The following PDLIM5 variants were observed in gnomAD, a reference collection of about 807,000 sequenced individuals.
PDLIM5 encodes the protein PDZ and LIM domain protein 5.
PDLIM5 carries 34 observed loss-of-function variants against 64.2 expected under a neutral mutation model. The ratio of observed to expected loss-of-function variants is 0.53; its 90% CI spans 0.40 to 0.71. The LOEUF is 0.71. Among genes scored for constraint, PDLIM5 ranks in the 30% least tolerant of loss-of-function variants. PDLIM5 has a pLI of 0.00. For missense variants in PDLIM5, 683 were observed against 733.6 expected, an observed-to-expected ratio of 0.93 and a Z score of 0.80; for synonymous variants, 253 against 269.1, an observed-to-expected ratio of 0.94 and a Z score of 0.59.
At chr4:94,605,741 C>A (rs1283710447) in intron 7 of PDLIM5, among the ~76,000 whole-genome samples, 2 of 152,096 alleles carry the variant, frequency 1.3e-5, no homozygotes, top group Admixed American at 6.5e-5. Context: ...ACTTGGAGAT[C>A]ATCTTCAAAG....
chr4:94,460,098 ATTAAT>A (rs1157966927), intron 2 of PDLIM5, among the ~76,000 whole-genome samples: 2 of 152,214 alleles, frequency 1.3e-5, no homozygotes, highest in African/African-American at 4.8e-5. Flanking sequence ...AAGTTAGAAA[ATTAAT>A]TTAGTTTGTA....
intron 7 of PDLIM5, among the ~76,000 whole-genome samples, chr4:94,598,616 A>G (rs1737248104): frequency 1.3e-5 from 2 of 152,292 alleles, no homozygotes; most frequent in African/African-American, 2.4e-5. Context: ...ACGTCCAACA[A>G]ATGTTTATGA....
chr4:94,615,253 A>C (rs1252320184), intron 7 of PDLIM5, among the ~76,000 whole-genome samples: 1 of 152,208 alleles, frequency 6.6e-6, no homozygotes, highest in African/African-American at 2.4e-5. Flanking sequence ...GACAAGATGC[A>C]TAAAGAAGTG....
At chr4:94,659,637 C>T (rs368992905) in intron 11 of PDLIM5, among the ~76,000 whole-genome samples, 31 of 150,922 alleles carry the variant, frequency 2.1e-4, no homozygotes, top group African/African-American at 6.1e-4. Context: ...ATGCCATTCT[C>T]CTGCCTCAGC....
intron 2 of PDLIM5, among the ~76,000 whole-genome samples, chr4:94,514,668 GGC>G (rs1241071288): frequency 6.6e-6 from 1 of 152,148 alleles, no homozygotes; most frequent in Admixed American, 6.5e-5. Flanking sequence ...TTGGGTCCAA[GGC>G]TTTTCTTTAC....
Position 94,523,736 on chromosome 4 carries a change from G to A in PDLIM5, c.109G>A (p.Gly37Ser), listed in dbSNP as rs750784983. The change falls in exon 3 of 13, where the codon GGC becomes AGC. Residue 37 changes from glycine to serine, a missense_variant. Coordinates refer to ENST00000317968, the MANE Select transcript of PDLIM5 (RefSeq NM_006457.5). ...PLTISSLKDG[G>S]KAAQANVRIG... Reference sequence around the variant, plus strand: ...ATATTTATTACAGCTAAAAGATGGCGGCAAGGCAGCCCAGGCAAATGTAAG... The same window carrying A: ...ATATTTATTACAGCTAAAAGATGGCAGCAAGGCAGCCCAGGCAAATGTAAG... 1.7e-5 allele frequency: 27 copies of A among 1,611,868 alleles called. No homozygotes were observed. Among genetic ancestry groups the A allele is most frequent in the African/African-American group, 6.7e-5 (5 of 74,818 alleles).
At chr4:94,507,884 A>C (rs1251703378) in intron 2 of PDLIM5, among the ~76,000 whole-genome samples, 3 of 152,176 alleles carry the variant, frequency 2.0e-5, no homozygotes, top group Non-Finnish European at 4.4e-5. Context: ...TGCCAGGCAA[A>C]CCAAAATCTT....
At chr4:94,580,615 T>A (rs952172689) in intron 5 of PDLIM5, among the ~76,000 whole-genome samples, 6 of 152,304 alleles carry the variant, frequency 3.9e-5, no homozygotes, top group East Asian at 1.9e-4. Context: ...TTTTTTTTAA[T>A]TCAAGATTAA....
At chr4:94,532,958 G>T (rs988820166) in intron 3 of PDLIM5, among the ~76,000 whole-genome samples, 1 of 152,070 alleles carries the variant, frequency 6.6e-6, no homozygotes, top group Non-Finnish European at 1.5e-5. Flanking sequence ...AGCTGAGATC[G>T]CACCACTGCA....
At chr4:94,546,535 A>G (rs979911101) in intron 3 of PDLIM5, among the ~76,000 whole-genome samples, 1 of 152,196 alleles carries the variant, frequency 6.6e-6, no homozygotes, top group Non-Finnish European at 1.5e-5. Context: ...AGTTCCAAAC[A>G]GATTCTTTTT....
chr4:94,615,395 A>G (rs1738695634), intron 7 of PDLIM5, among the ~76,000 whole-genome samples: 1 of 152,186 alleles, frequency 6.6e-6, no homozygotes. Context: ...AAAATAATGT[A>G]TGTTAATTTG....
At chr4:94,453,856 G>GT (rs1723083840) in intron 1 of PDLIM5, among the ~76,000 whole-genome samples, 3 of 152,142 alleles carry the variant, frequency 2.0e-5, no homozygotes, top group Admixed American at 2.0e-4. Context: ...CATTACTGAA[G>GT]TAATGTGTTA....
intron 8 of PDLIM5, among the ~76,000 whole-genome samples, chr4:94,618,653 G>A (rs1036299623): frequency 8.5e-5 from 13 of 152,208 alleles, no homozygotes; most frequent in African/African-American, 2.9e-4. Flanking sequence ...GAAGGACACA[G>A]TACTAGAAAG....
intron 9 of PDLIM5, among the ~76,000 whole-genome samples, chr4:94,654,186 CAAT>C (rs1742040500): frequency 6.6e-6 from 1 of 152,104 alleles, no homozygotes; most frequent in Non-Finnish European, 1.5e-5. Context: ...CATTTCAGCT[CAAT>C]AAAACATCAC....
chr4:94,615,800 C>T (rs1352363625), intron 7 of PDLIM5, among the ~76,000 whole-genome samples: 2 of 152,092 alleles, frequency 1.3e-5, no homozygotes, highest in Non-Finnish European at 2.9e-5. Context: ...TTAGGAATCA[C>T]CTTTTATTGA....
chr4:94,544,851 G>C (rs1276503705), intron 3 of PDLIM5, among the ~76,000 whole-genome samples: 1 of 152,152 alleles, frequency 6.6e-6, no homozygotes, highest in African/African-American at 2.4e-5. Context: ...TACTGCTTAG[G>C]TAACCTCTGT....
At chr4:94,566,250 A>C (rs1426622832) in intron 3 of PDLIM5, among the ~76,000 whole-genome samples, 1 of 152,222 alleles carries the variant, frequency 6.6e-6, no homozygotes, top group East Asian at 1.9e-4. Context: ...TCCTATATTT[A>C]AAATGAGAAC....
intron 7 of PDLIM5, 124 bp from the exon 8 acceptor site, chr4:94,617,880 T>G: frequency 2.0e-6 from 1 of 505,356 alleles, no homozygotes; most frequent in Non-Finnish European, 3.3e-6. Context: ...TTCAAAGATT[T>G]TCTTTTCTAA....
intron 3 of PDLIM5, among the ~76,000 whole-genome samples, chr4:94,532,854 T>C (rs942595915): frequency 2.0e-5 from 3 of 151,940 alleles, no homozygotes; most frequent in East Asian, 1.9e-4. Context: ...CAGAAAAATA[T>C]TTAGTAGGAT....
Sources: allele counts gnomAD v4.1 joint callset (sites outside exome capture counted in the v4.1 genomes callset), GRCh38; gene constraint gnomAD v4.1.1; transcripts MANE v1.5; gene names NCBI Gene and HGNC (gene_info 2026-07-23, HGNC 2026-07-21).